Variants in GALNTL6 observed in about 807,000 individuals in gnomAD.
The protein encoded by GALNTL6 is polypeptide N-acetylgalactosaminyltransferase-like 6.
GALNTL6 carries 46 observed loss-of-function variants against 73.7 expected under a neutral mutation model. The observed-to-expected ratio is 0.62, with a 90% confidence interval of 0.49 to 0.80. The LOEUF is 0.80. GALNTL6 is among the 30% of genes least tolerant of loss of function. The pLI is 0.00. For synonymous variants in GALNTL6, 259 were observed against 263.7 expected (o/e 0.98, Z 0.17); for missense variants, 604 against 755.0 (o/e 0.80, Z 2.34).
intron 5 of GALNTL6, among the ~76,000 whole-genome samples, chr4:172,356,447 G>A (rs978710746): frequency 1.3e-5 from 2 of 150,348 alleles, no homozygotes; most frequent in Non-Finnish European, 3.0e-5. Flanking sequence ...AAAAATCATT[G>A]CATCTACACA....
chr4:172,893,873 G>C (rs545732758), intron 8 of GALNTL6, among the ~76,000 whole-genome samples: 1 of 152,244 alleles, frequency 6.6e-6, no homozygotes, highest in Non-Finnish European at 1.5e-5. Context: ...AAGGTCATAG[G>C]ATCTCATGTA....
At chr4:172,374,207 T>A (rs1167188927) in intron 5 of GALNTL6, among the ~76,000 whole-genome samples, 3 of 152,232 alleles carry the variant, frequency 2.0e-5, no homozygotes, top group Non-Finnish European at 2.9e-5. Flanking sequence ...GCCTGCTCCA[T>A]TTTCTGTCCT....
intron 2 of GALNTL6, among the ~76,000 whole-genome samples, chr4:172,037,593 A>G (rs1156681393): frequency 6.6e-6 from 1 of 152,122 alleles, no homozygotes; most frequent in East Asian, 1.9e-4. Context: ...TGTGCCCTGA[A>G]TGCTGCCTCA....
chr4:171,930,003 G>A (rs746169072), intron 2 of GALNTL6, among the ~76,000 whole-genome samples: 3 of 152,236 alleles, frequency 2.0e-5, no homozygotes, highest in African/African-American at 4.8e-5. Flanking sequence ...TGGCCTGAAA[G>A]CTGATTCAGA....
chr4:172,742,838 A>T (rs1011618537), intron 5 of GALNTL6, among the ~76,000 whole-genome samples: 1 of 151,980 alleles, frequency 6.6e-6, no homozygotes, highest in Non-Finnish European at 1.5e-5. Context: ...GTTGGTGCTA[A>T]TGTATTATGC....
At chr4:173,023,931 C>T (rs1056745278) in intron 12 of GALNTL6, among the ~76,000 whole-genome samples, 6 of 151,898 alleles carry the variant, frequency 4.0e-5, no homozygotes, top group Non-Finnish European at 5.9e-5. Flanking sequence ...TTACTTTCTG[C>T]GCACATCGAT....
chr4:172,179,598 T>A (rs1011849808), intron 2 of GALNTL6, among the ~76,000 whole-genome samples: 6 of 143,820 alleles, frequency 4.2e-5, no homozygotes, highest in African/African-American at 1.7e-4. Context: ...TTCTCCCATT[T>A]TGTAGGTTGG....
chr4:172,035,222 A>T (rs1741897746), intron 2 of GALNTL6, among the ~76,000 whole-genome samples: 1 of 152,132 alleles, frequency 6.6e-6, no homozygotes, highest in South Asian at 2.1e-4. Flanking sequence ...AAAACATAGA[A>T]AACATGTAAA....
chr4:172,665,069 T>C (rs1731585209), intron 5 of GALNTL6, among the ~76,000 whole-genome samples: 2 of 152,268 alleles, frequency 1.3e-5, no homozygotes, highest in South Asian at 4.1e-4. Flanking sequence ...ACCTCCCAGG[T>C]TAACCTACCA....
intron 5 of GALNTL6, among the ~76,000 whole-genome samples, chr4:172,565,382 T>G (rs1736518452): frequency 1.3e-5 from 2 of 152,226 alleles, no homozygotes; most frequent in Admixed American, 1.3e-4. Context: ...TTCATTCTGT[T>G]AATGTGATGT....
chr4:172,611,961 CT>C (rs1738542221), intron 5 of GALNTL6, among the ~76,000 whole-genome samples: 1 of 152,076 alleles, frequency 6.6e-6, no homozygotes, highest in South Asian at 2.1e-4. Context: ...TAAACCTTGA[CT>C]TCTTCTATTT....
intron 4 of GALNTL6, among the ~76,000 whole-genome samples, chr4:172,346,725 T>A (rs557555818): frequency 6.6e-6 from 1 of 152,302 alleles, no homozygotes; most frequent in South Asian, 2.1e-4. Flanking sequence ...CTGGCCTATA[T>A]CAAACCTTCA....
intron 2 of GALNTL6, among the ~76,000 whole-genome samples, chr4:172,164,691 C>T (rs1400893041): frequency 6.6e-6 from 1 of 151,980 alleles, no homozygotes; most frequent in East Asian, 1.9e-4. Context: ...AATGTCCCAA[C>T]AATCAAATTT....
intron 5 of GALNTL6, among the ~76,000 whole-genome samples, chr4:172,733,817 C>G (rs76556802): frequency 0.36 from 54,491 of 151,996 alleles, 10,800 homozygotes; most frequent in African/African-American, 0.52. Flanking sequence ...TATTTATTCA[C>G]AGTATAAAAA....
chr4:172,382,000 G>A (rs371386774), intron 5 of GALNTL6, among the ~76,000 whole-genome samples: 19 of 152,130 alleles, frequency 1.2e-4, no homozygotes, highest in Admixed American at 3.3e-4. Flanking sequence ...ATGGAGTTTC[G>A]CTCTTGTTGC....
At chr4:172,052,662 C>A in intron 2 of GALNTL6, 1 of 559,744 alleles carries the variant, frequency 1.8e-6, no homozygotes, top group Non-Finnish European at 3.1e-6. Flanking sequence ...CTTTTGTGAT[C>A]ACTTTTGCCC....
In GALNTL6 at chr4:172,908,409, A is replaced by G. The variant is rs182925415; in HGVS notation, c.1042-22752A>G. On this transcript the variant is annotated intron_variant, in intron 8 of 12. Transcript: ENST00000506823. ...TTTTTCCATTAAATTATTATTTAAC[A>G]TTATTTTATATTATTCTGAAGATAG... is the stretch of plus-strand genomic sequence containing the variant. 9.2e-5 allele frequency among the ~76,000 whole-genome samples: 14 copies of G among 152,290 alleles called. No homozygotes were observed. The East Asian group carries it at 2.7e-3, about 29-fold the overall frequency.
chr4:172,950,265 G>A (rs1382736002), intron 9 of GALNTL6, among the ~76,000 whole-genome samples: 1 of 152,184 alleles, frequency 6.6e-6, no homozygotes, highest in African/African-American at 2.4e-5. Flanking sequence ...TTATGGGCCA[G>A]GCAATGCTGA....
intron 2 of GALNTL6, among the ~76,000 whole-genome samples, chr4:172,130,395 T>A (rs1363005896): frequency 2.0e-5 from 3 of 151,922 alleles, no homozygotes; most frequent in African/African-American, 7.2e-5. Flanking sequence ...AAAAGATAAT[T>A]AAAAGTGCCT....
Sources: gnomAD v4.1 joint callset for allele counts (sites outside exome capture counted in the v4.1 genomes callset) on GRCh38, gnomAD v4.1.1 for gene constraint, MANE v1.5 for transcripts, NCBI Gene and HGNC (gene_info 2026-07-23, HGNC 2026-07-21) for gene names.